FNDC1: variants seen among roughly 807,000 people sequenced by gnomAD.
The protein encoded by FNDC1 is fibronectin type III domain containing 1.
FNDC1 carries 96 observed loss-of-function variants against 168.0 expected under a neutral mutation model. The ratio of observed to expected loss-of-function variants is 0.57; its 90% confidence interval spans 0.48 to 0.68. The LOEUF (loss-of-function observed/expected upper bound fraction) is 0.68. Ranked by LOEUF, FNDC1 falls within the 30% of genes least tolerant of loss-of-function variation. The probability of loss-of-function intolerance (pLI) is 0.00; values close to 1 mark genes in which losing one functional copy is unlikely to be tolerated. For missense variants in FNDC1, 2,587 were observed against 2,482.1 expected, an observed-to-expected ratio of 1.04 and a Z score of -0.90; for synonymous variants, 1,099 against 1,025.9, an observed-to-expected ratio of 1.07 and a Z score of -1.36.
At chr6:159,235,466 G>A (rs374550712) in intron 11 of FNDC1, among the ~76,000 whole-genome samples, 53 of 152,200 alleles carry the variant, frequency 3.5e-4, no homozygotes, top group Non-Finnish European at 2.5e-4. Flanking sequence ...AAAACTCAAC[G>A]TTCCCTTGTA....
At position 159,248,494 on chromosome 6, in the gene FNDC1, C is replaced by G. The variant is rs368440132; in HGVS notation, c.4691-545C>G. On this transcript the variant is annotated intron_variant, in intron 15 of 22. Transcript: ENST00000297267. ...CTAATTTTTGTATTTTTAGTGGAGACGGGCTTTCACCATGTTGGCCAGGAT... is the reference window on the plus strand; with the variant it reads ...CTAATTTTTGTATTTTTAGTGGAGAGGGGCTTTCACCATGTTGGCCAGGAT... Among the ~76,000 whole-genome samples the G allele has an allele frequency of 1.1e-3, 161 of 152,026 alleles. 4 individuals carry two copies. Among genetic ancestry groups the G allele is most frequent in the African/African-American group, 3.8e-3 (159 of 41,478 alleles).
chr6:159,221,493 A>C, intron 5 of FNDC1, 105 bp from the exon 6 acceptor site: 1 of 859,594 alleles, frequency 1.2e-6, no homozygotes, highest in Non-Finnish European at 1.9e-6. Flanking sequence ...GAAACGGAAA[A>C]AGGGGAAGGG....
In FNDC1 at chr6:159,233,661, ACTC is replaced by A. The variant is rs1459098297; in HGVS notation, c.3156_3158del (p.Ser1053del). On this transcript the variant is annotated inframe_deletion, in exon 11 of 23. Transcript: ENST00000297267. The surrounding 1 kb of genome is among the most constrained non-coding windows in gnomAD (Gnocchi z 4.6). The stretch of plus-strand genomic sequence containing the variant: ...CGCCCCACGTCGCAGGGCCGCTCCC[ACTC>A]CTCCTCGGACCCTTACACGGCGAGC... 6.4e-7 allele frequency: 1 copy of A among 1,550,446 alleles called. No individual in the cohort carries two copies. The highest frequency in any genetic ancestry group is 1.9e-5 in the Admixed American group (1 of 51,818).
intron 16 of FNDC1, among the ~76,000 whole-genome samples, chr6:159,251,044 A>T (rs927708131): frequency 1.3e-5 from 2 of 152,168 alleles, no homozygotes; most frequent in African/African-American, 2.4e-5. Flanking sequence ...TGATCTCTCA[A>T]AACCACTTTG....
At chr6:159,202,906 G>A (rs1782408560) in intron 4 of FNDC1, among the ~76,000 whole-genome samples, 2 of 152,188 alleles carry the variant, frequency 1.3e-5, no homozygotes, top group Non-Finnish European at 2.9e-5. Flanking sequence ...ACAGACTGGT[G>A]GCTTAGAAAA....
chr6:159,242,828 A>G (rs1783454920), intron 14 of FNDC1, among the ~76,000 whole-genome samples: 1 of 152,256 alleles, frequency 6.6e-6, no homozygotes, highest in Admixed American at 6.5e-5. Context: ...TTCACTTAGC[A>G]TAATTGTTTT....
intron 17 of FNDC1, 43 bp from the exon 18 acceptor site, chr6:159,256,480 G>A: frequency 2.8e-6 from 4 of 1,409,070 alleles, no homozygotes; most frequent in South Asian, 2.3e-5. Context: ...TGTGTGACTT[G>A]GTTCCTTGGT....
chr6:159,233,633 C>A lies in FNDC1; in HGVS notation c.3121C>A (p.Pro1041Thr). 6.4e-7 allele frequency: 1 copy of A among 1,557,160 alleles called. No homozygotes were observed. The stretch of plus-strand genomic sequence containing the variant: ...GCTCTCACTGACCCAGGCCGGGCGG[C>A]CCCGCCCCACGTCGCAGGGCCGCTC... ...PRLSLTQAGR[P>T]RPTSQGRSHS... The change falls in exon 11 of 23, where the codon CCC becomes ACC. Residue 1041 changes from proline (P) to threonine (T), a missense_variant. Transcript: ENST00000297267. This position sits in a 1 kb window ranked among gnomAD's most constrained non-coding sequence, Gnocchi z 4.6.
Position 159,232,190 on chromosome 6 carries a change from C to T in FNDC1, c.1678C>T (p.Gln560Ter), listed in dbSNP as rs1232492560. ...EDSPMSPSDT[Q>*]DQKRTLRPPS... is the part of the protein sequence containing the mutation. Reference sequence around the variant, plus strand: ...CTCGCCCATGTCACCCTCAGACACCCAAGACCAGAAACGGACCCTGAGGCC... The same window carrying T: ...CTCGCCCATGTCACCCTCAGACACCTAAGACCAGAAACGGACCCTGAGGCC... Residue 560 changes from glutamine (Q) to a stop codon, truncating the protein, a stop_gained, in exon 11 of 23, where the codon CAA becomes TAA. Transcript: ENST00000297267. LOFTEE classifies it high-confidence loss of function. The surrounding 1 kb of genome is among the most constrained non-coding windows in gnomAD (Gnocchi z 4.9). 1.2e-6 allele frequency: 2 copies of T among 1,613,740 alleles called. No individual in the cohort carries two copies. The highest frequency in any genetic ancestry group is 1.7e-6 in the Non-Finnish European group (2 of 1,179,804).
rs1343436156 is a variant in FNDC1 at position 159,169,453 on chromosome 6, G to C, written c.-144G>C. On this transcript the variant is annotated 5_prime_UTR_variant, in exon 1 of 23. Coordinates refer to ENST00000297267, the MANE Select transcript of FNDC1 (RefSeq NM_032532.3). This position sits in a 1 kb window ranked among gnomAD's most constrained non-coding sequence, Gnocchi z 6.8. ...GCCGGGAGCGATCGCCGCGGGGCAG[G>C]GGCGCGGCGGGCACCGCGCAGAGCG... is the stretch of plus-strand genomic sequence containing the variant. 1 of 176,454 alleles carries C rather than the reference G, an allele frequency of 5.7e-6. No individual in the cohort carries two copies. The highest frequency in any genetic ancestry group is 6.4e-5 in the Admixed American group (1 of 15,738). The allele number at this position is 176,454 out of a possible 1,614,324, so 10.9% of individuals were successfully genotyped here.
chr6:159,199,965 T>C (rs1324478840), intron 2 of FNDC1, 31 bp from the exon 3 acceptor site: 1 of 1,559,998 alleles, frequency 6.4e-7, no homozygotes, highest in South Asian at 1.2e-5. Flanking sequence ...GAGATCTGAA[T>C]TGGTGGCTTG....
intron 1 of FNDC1, among the ~76,000 whole-genome samples, chr6:159,186,384 C>T (rs981214269): frequency 2.0e-5 from 3 of 152,110 alleles, no homozygotes; most frequent in African/African-American, 4.8e-5. Flanking sequence ...AGCCATTAAC[C>T]CTTGAGATAA....
intron 14 of FNDC1, 114 bp from the exon 15 acceptor site, chr6:159,246,787 C>T (rs1304308736): frequency 4.2e-6 from 3 of 719,794 alleles, no homozygotes; most frequent in Non-Finnish European, 7.4e-6. Context: ...GCCTTGGGGA[C>T]TTGTTTTCAT....
chr6:159,217,824 G>T (rs1453834641), intron 5 of FNDC1, among the ~76,000 whole-genome samples: 1 of 152,220 alleles, frequency 6.6e-6, no homozygotes, highest in Non-Finnish European at 1.5e-5. Flanking sequence ...TCAAGGGAAT[G>T]CAGGAAGCAA....
At chr6:159,195,578 T>C (rs534338278) in intron 1 of FNDC1, among the ~76,000 whole-genome samples, 3 of 152,302 alleles carry the variant, frequency 2.0e-5, no homozygotes, top group East Asian at 1.9e-4. Context: ...GCCATGTTTG[T>C]AGTTGGCTCC....
intron 9 of FNDC1, among the ~76,000 whole-genome samples, chr6:159,228,549 T>C (rs1783005776): frequency 6.6e-6 from 1 of 152,042 alleles, no homozygotes; most frequent in Non-Finnish European, 1.5e-5. Context: ...TGAAACGTTT[T>C]TTTTTTAAAT....
Position 159,233,607 on chromosome 6 carries a change from G to A in FNDC1, c.3095G>A (p.Arg1032Lys), listed in dbSNP as rs1444720671. 1 of 1,575,992 alleles carries A rather than the reference G, an allele frequency of 6.3e-7. No homozygotes were observed. Among genetic ancestry groups the A allele is most frequent in the African/African-American group, 1.4e-5 (1 of 74,060 alleles). The change falls in exon 11 of 23, where the codon AGG becomes AAG. Residue 1032 changes from arginine (R) to lysine (K), a missense_variant. Coordinates refer to ENST00000297267, the MANE Select transcript of FNDC1 (RefSeq NM_032532.3). This position sits in a 1 kb window ranked among gnomAD's most constrained non-coding sequence, Gnocchi z 4.6. ...RDAGRSPSQP[R>K]LSLTQAGRPR... Reference sequence around the variant, plus strand: ...GCGGGTCGGTCACCTTCCCAGCCCAGGCTCTCACTGACCCAGGCCGGGCGG... The same window carrying A: ...GCGGGTCGGTCACCTTCCCAGCCCAAGCTCTCACTGACCCAGGCCGGGCGG...
Position 159,202,201 on chromosome 6 carries a change from G to A in FNDC1, c.460+1620G>A, listed in dbSNP as rs191421202. Among the ~76,000 whole-genome samples the A allele has an allele frequency of 9.2e-5, 14 of 152,204 alleles. No homozygotes were observed. In the East Asian group the frequency reaches 2.7e-3, roughly 29 times the overall value. On this transcript the variant is annotated intron_variant, in intron 4 of 22. Coordinates refer to ENST00000297267, the MANE Select transcript of FNDC1 (RefSeq NM_032532.3). ...TGCTGGCTCAAACCACTTGAAGCAT[G>A]TAATATAAAGCAGAACTTAAAACAA...
At chr6:159,255,051 T>C (rs1055342629) in intron 17 of FNDC1, among the ~76,000 whole-genome samples, 2 of 152,154 alleles carry the variant, frequency 1.3e-5, no homozygotes, top group African/African-American at 4.8e-5. Context: ...CCACACCCAA[T>C]CCATTCGGCA....
Sources: allele counts gnomAD v4.1 joint callset (sites outside exome capture counted in the v4.1 genomes callset), GRCh38; gene constraint gnomAD v4.1.1; non-coding constraint Gnocchi (gnomAD v3.1); transcripts MANE v1.5; gene names NCBI Gene and HGNC (gene_info 2026-07-23, HGNC 2026-07-21).